Variants in CABIN1 observed in about 807,000 individuals in gnomAD.
The protein encoded by CABIN1 is calcineurin binding protein 1, also known as calcineurin-binding protein cabin-1.
CABIN1 carries 133 observed loss-of-function variants against 227.7 expected under a neutral mutation model. The observed-to-expected ratio is 0.58, with a 90% CI of 0.51 to 0.67. The LOEUF is 0.67. Ranked by LOEUF, CABIN1 falls within the 30% of genes least tolerant of loss-of-function variation. The pLI is 0.00. For missense variants in CABIN1, 2,408 were observed against 2,852.5 expected, an observed-to-expected ratio of 0.84 and a Z score of 3.55; for synonymous variants, 1,086 against 1,155.1, an observed-to-expected ratio of 0.94 and a Z score of 1.21.
intron 27 of CABIN1, among the ~76,000 whole-genome samples, chr22:24,118,179 A>G (rs552614244): frequency 1.1e-3 from 168 of 152,182 alleles, no homozygotes; most frequent in African/African-American, 3.8e-3. Flanking sequence ...GAGAAGGGCA[A>G]TGGCTCCAGG....
intron 13 of CABIN1, 73 bp from the exon 14 acceptor site, chr22:24,062,886 T>C (rs1293603213): frequency 6.7e-7 from 1 of 1,495,448 alleles, no homozygotes; most frequent in African/African-American, 1.4e-5. Flanking sequence ...TAGGGCCAAG[T>C]GCAACTTCTG....
At chr22:24,015,664 A>T (rs542627155) in intron 1 of CABIN1, among the ~76,000 whole-genome samples, 1 of 151,868 alleles carries the variant, frequency 6.6e-6, no homozygotes, top group South Asian at 2.1e-4. Flanking sequence ...TTTTAAAAAC[A>T]TCTTTATTGA....
At chr22:24,034,734 G>T (rs1265140944) in intron 1 of CABIN1, among the ~76,000 whole-genome samples, 1 of 152,226 alleles carries the variant, frequency 6.6e-6, no homozygotes, top group Non-Finnish European at 1.5e-5. Flanking sequence ...CAATGCATGA[G>T]ATTCTAAATC....
intron 19 of CABIN1, among the ~76,000 whole-genome samples, chr22:24,078,098 G>A (rs2040560847): frequency 6.6e-6 from 1 of 152,122 alleles, no homozygotes; most frequent in African/African-American, 2.4e-5. Context: ...TGACTGGTTT[G>A]TTGTTTCCTT....
intron 34 of CABIN1, among the ~76,000 whole-genome samples, chr22:24,172,374 C>T (rs867529493): frequency 3.3e-5 from 5 of 152,218 alleles, no homozygotes; most frequent in Admixed American, 2.6e-4. Context: ...ACCAGGCCTC[C>T]CTCAGGGCAC....
chr22:24,171,959 C>A lies in CABIN1; in HGVS notation c.6004C>A (p.Pro2002Thr). Reference protein sequence around the residue: ...KDPGPPRPHRPEATPSMASLG... With the variant: ...KDPGPPRPHRTEATPSMASLG... The stretch of plus-strand genomic sequence containing the variant: ...CCCTGGGCCTCCCCGGCCACACAGG[C>A]CTGAAGCTACCCCCAGCATGGCCTC... Residue 2002 changes from proline to threonine, a missense_variant, in exon 34 of 37, where the codon CCT becomes ACT. By Grantham distance (38) the Pro-to-Thr change is conservative. This residue lies in a region of CABIN1 where 714 missense variants were observed against 773.8 expected (regional missense o/e 0.92). Coordinates refer to ENST00000263119, the MANE Select transcript of CABIN1 (RefSeq NM_012295.4). The A allele has an allele frequency of 6.2e-7, 1 of 1,613,346 alleles. No homozygotes were observed. Among genetic ancestry groups the A allele is most frequent in the Non-Finnish European group, 8.5e-7 (1 of 1,180,026 alleles).
chr22:24,033,537 G>C (rs2036646874), intron 1 of CABIN1, among the ~76,000 whole-genome samples: 3 of 152,046 alleles, frequency 2.0e-5, no homozygotes, highest in Admixed American at 1.3e-4. Context: ...CTGCCTGCTG[G>C]GCCCTTCCAG....
At chr22:24,039,163 T>G (rs1415896430) in intron 4 of CABIN1, among the ~76,000 whole-genome samples, 2 of 152,164 alleles carry the variant, frequency 1.3e-5, no homozygotes, top group Non-Finnish European at 2.9e-5. Flanking sequence ...TGTTTTCAAG[T>G]TTTCATGTTT....
At chr22:24,058,277 C>T (rs2146336602) in intron 10 of CABIN1, among the ~76,000 whole-genome samples, 1 of 152,350 alleles carries the variant, frequency 6.6e-6, no homozygotes, top group African/African-American at 2.4e-5. Flanking sequence ...TCTGCCTCCA[C>T]CTCCCAAAAT....
Position 24,062,955 on chromosome 22 carries a change from T to A in CABIN1, c.1697-4T>A, listed in dbSNP as rs1336897107. 1 of 1,614,050 alleles carries A rather than the reference T, an allele frequency of 6.2e-7. No individual in the cohort carries two copies. On this transcript the variant is annotated splice_polypyrimidine_tract_variant and splice_region_variant and intron_variant, in intron 13 of 36. Coordinates refer to ENST00000263119, the MANE Select transcript of CABIN1 (RefSeq NM_012295.4). Reference sequence around the variant, plus strand: ...AGTTGACTCGTTGGCCTGATGGTTTTTAGTGTCTCCTCGGAACTGCCCTGC... The same window carrying A: ...AGTTGACTCGTTGGCCTGATGGTTTATAGTGTCTCCTCGGAACTGCCCTGC...
intron 16 of CABIN1, among the ~76,000 whole-genome samples, chr22:24,069,152 T>C (rs2039907285): frequency 6.6e-6 from 1 of 152,282 alleles, no homozygotes; most frequent in Non-Finnish European, 1.5e-5. Context: ...CTGCCTATTA[T>C]GTTCTTCAGT....
intron 2 of CABIN1, 133 bp from the exon 3 acceptor site, chr22:24,035,956 T>C: frequency 1.5e-6 from 1 of 652,526 alleles, no homozygotes; most frequent in South Asian, 1.4e-5. Flanking sequence ...ATTCCCCACA[T>C]CTGAGAAGGT....
In CABIN1 at chr22:24,166,759, C is replaced by G; in HGVS notation, c.5128C>G (p.Pro1710Ala). The change falls in exon 32 of 37, where the codon CCT becomes GCT. Residue 1710 changes from proline (P) to alanine (A), a missense_variant. This residue lies in a region of CABIN1 where 714 missense variants were observed against 773.8 expected (regional missense o/e 0.92). Coordinates refer to ENST00000263119, the MANE Select transcript of CABIN1 (RefSeq NM_012295.4). ...GGGCCTCCCCCAGCCGAAGAAGCCC[C>G]CTCTGGCTGATGGCTCAGGGCCAGG... ...QEGLPQPKKP[P>A]LADGSGPGPE... The G allele has an allele frequency of 6.2e-7, 1 of 1,612,912 alleles. No individual in the cohort carries two copies. The highest frequency in any genetic ancestry group is 8.5e-7 in the Non-Finnish European group (1 of 1,179,980).
rs763587038 is a variant in CABIN1 at position 24,142,628 on chromosome 22, G to A, written c.4746+8213G>A. 4.6e-5 allele frequency among the ~76,000 whole-genome samples: 7 copies of A among 152,236 alleles called. No individual in the cohort carries two copies. In the South Asian group the frequency reaches 6.2e-4, roughly 14 times the overall value. On this transcript the variant is annotated intron_variant, in intron 29 of 36. Transcript: ENST00000263119. The stretch of plus-strand genomic sequence containing the variant: ...CTGTGGTCAGCCCCTGCCCCCAGGC[G>A]CCAGCCCCAGGTTCAGAGCCTGTTG...
intron 12 of CABIN1, among the ~76,000 whole-genome samples, chr22:24,061,006 C>T (rs917327477): frequency 6.6e-6 from 1 of 152,208 alleles, no homozygotes; most frequent in African/African-American, 2.4e-5. Context: ...TGGTCTGGAA[C>T]TCCTGGGCTC....
intron 28 of CABIN1, among the ~76,000 whole-genome samples, chr22:24,124,647 C>T (rs2043609758): frequency 1.3e-5 from 2 of 152,230 alleles, no homozygotes. Flanking sequence ...CTCATAGAAA[C>T]CTGGCTCTTT....
chr22:24,043,307 C>CTTTTTTTT (rs745547509), intron 6 of CABIN1, among the ~76,000 whole-genome samples: 99 of 71,082 alleles, frequency 1.4e-3, no homozygotes, highest in African/African-American at 1.9e-3. Flanking sequence ...AATGATTTTA[C>CTTTTTTTT]TTTTTTTTTT....
chr22:24,062,752 G>A (rs2039291681), intron 13 of CABIN1, among the ~76,000 whole-genome samples: 1 of 152,018 alleles, frequency 6.6e-6, no homozygotes, highest in Non-Finnish European at 1.5e-5. Flanking sequence ...CCTGACTCTC[G>A]GCAGGGGGCA....
Position 24,134,325 on chromosome 22 carries a change from G to T in CABIN1, c.4656G>T (p.Val1552=), listed in dbSNP as rs1489531415. 1.2e-6 allele frequency: 2 copies of T among 1,613,970 alleles called. No homozygotes were observed. The highest frequency in any genetic ancestry group is 1.7e-6 in the Non-Finnish European group (2 of 1,179,970). ...THRNLQWARD[V]LLGSSIPWQQ... is the part of the protein sequence containing the mutation. ...AGAACCTCCAGTGGGCCCGCGACGTGTTGCTAGGCAGCAGTATCCCGTGGC... is the reference window on the plus strand; with the variant it reads ...AGAACCTCCAGTGGGCCCGCGACGTTTTGCTAGGCAGCAGTATCCCGTGGC... Residue 1552 remains valine (V), a synonymous_variant, in exon 29 of 37, where the codon GTG becomes GTT. Transcript: ENST00000263119.
Sources: gnomAD v4.1 joint callset for allele counts (sites outside exome capture counted in the v4.1 genomes callset) on GRCh38, gnomAD v4.1.1 for gene constraint, gnomAD v4.1.1 regional missense constraint, MANE v1.5 for transcripts, NCBI Gene and HGNC (gene_info 2026-07-23, HGNC 2026-07-21) for gene names.